Variants in TMEM183A observed in about 807,000 individuals in gnomAD.
The protein encoded by TMEM183A is transmembrane protein 183A, also known as chromosome 1 open reading frame 37.
TMEM183A carries 21 observed loss-of-function variants against 46.7 expected under a neutral mutation model. The ratio of observed to expected loss-of-function variants is 0.45; its 90% CI spans 0.32 to 0.65. The LOEUF (loss-of-function observed/expected upper bound fraction) is 0.65. TMEM183A is among the 30% of genes least tolerant of loss of function. The pLI, the probability that TMEM183A is intolerant of heterozygous loss-of-function variation, is 0.04. For synonymous variants in TMEM183A, 165 were observed against 180.2 expected (o/e 0.92, Z 0.68); for missense variants, 331 against 481.9 (o/e 0.69, Z 2.93).
Position 203,014,876 on chromosome 1 carries a change from T to A in TMEM183A, c.368-13T>A, listed in dbSNP as rs1271005519. 6.2e-7 allele frequency: 1 copy of A among 1,613,510 alleles called. No individual in the cohort carries two copies. Among genetic ancestry groups the A allele is most frequent in the South Asian group, 1.1e-5 (1 of 91,016 alleles). On this transcript the variant is annotated splice_polypyrimidine_tract_variant and intron_variant, in intron 3 of 7. Transcript: ENST00000367242. Reference sequence around the variant, plus strand: ...GTGTAGAAGATCAGAGATTATTCTTTTTTTTGTTTCAGAAGAACTGGACGG... The same window carrying A: ...GTGTAGAAGATCAGAGATTATTCTTATTTTTGTTTCAGAAGAACTGGACGG...
rs566593528 is a variant in TMEM183A, at chr1:203,019,026, C to T, written c.789+465C>T. On this transcript the variant is annotated intron_variant, in intron 6 of 7. Transcript: ENST00000367242. The stretch of plus-strand genomic sequence containing the variant: ...AGACACAAACATTCAAATCATAACA[C>T]TAGGCATGAAATTGCCTTACTAAAA... Among the ~76,000 whole-genome samples the T allele has an allele frequency of 2.6e-5, 4 of 152,224 alleles. No individual in the cohort carries two copies. In the East Asian group the frequency reaches 7.7e-4, roughly 29 times the overall value.
chr1:203,007,588 G>T lies in TMEM183A; in HGVS notation c.109+14G>T, dbSNP rs1264665952. The T allele has an allele frequency of 4.5e-6, 7 of 1,541,570 alleles. No homozygotes were observed. Among genetic ancestry groups the T allele is most frequent in the Admixed American group, 1.9e-5 (1 of 51,466 alleles). On this transcript the variant is annotated intron_variant, in intron 1 of 7. Transcript: ENST00000367242. Reference sequence around the variant, plus strand: ...GCTCCGGCCGAGGTGGGCGAGGGGGGCAGGGGCGCTGAAACATTTTGGGGG... The same window carrying T: ...GCTCCGGCCGAGGTGGGCGAGGGGGTCAGGGGCGCTGAAACATTTTGGGGG...
At chr1:203,008,300 A>G (rs1401240056) in intron 2 of TMEM183A, among the ~76,000 whole-genome samples, 1 of 152,096 alleles carries the variant, frequency 6.6e-6, no homozygotes, top group African/African-American at 2.4e-5. Context: ...ATTGGATTCA[A>G]TTTGTCTCAA....
At chr1:203,015,263 A>C (rs1571613458) in intron 4 of TMEM183A, 2 of 641,834 alleles carry the variant, frequency 3.1e-6, no homozygotes, top group African/African-American at 1.8e-5. Flanking sequence ...CTCCTTCCCC[A>C]CTCCAGTATC....
rs575423045 is a variant in TMEM183A, at chr1:203,013,843, A to C, written c.368-1046A>C. On this transcript the variant is annotated intron_variant, in intron 3 of 7. Coordinates refer to ENST00000367242, the MANE Select transcript of TMEM183A (RefSeq NM_138391.6). This position sits in a 1 kb window ranked among gnomAD's most constrained non-coding sequence, Gnocchi z 4.0. ...GCCATCTCAGCTCACTGCAACCTCCACCTCCTGGTTCAAGCGATTCTCCTG... is the reference window on the plus strand; with the variant it reads ...GCCATCTCAGCTCACTGCAACCTCCCCCTCCTGGTTCAAGCGATTCTCCTG... Among the ~76,000 whole-genome samples, 1 of 132,680 alleles carries C rather than the reference A, an allele frequency of 7.5e-6. No individual in the cohort carries two copies. The highest frequency in any genetic ancestry group is 2.4e-4 in the South Asian group (1 of 4,126). 87.0% of individuals were successfully genotyped at this position (132,680 alleles called of 152,430 possible).
rs942155919 is a variant in TMEM183A at position 203,024,375 on chromosome 1, A to G, written c.*1335A>G. On this transcript the variant is annotated 3_prime_UTR_variant, in exon 8 of 8. Coordinates refer to ENST00000367242, the MANE Select transcript of TMEM183A (RefSeq NM_138391.6). ...CTCTCCTCCCACCCTCCACCATCCA[A>G]AATTAACCAGTGAGCTGGATATTAC... 6.6e-6 allele frequency: 1 copy of G among 152,184 alleles called. No individual in the cohort carries two copies. The highest frequency in any genetic ancestry group is 1.5e-5 in the Non-Finnish European group (1 of 68,036). 9.4% of individuals were successfully genotyped at this position (152,184 alleles called of 1,614,324 possible). A position where few individuals can be genotyped will look rare whatever the true frequency, so the allele number is the denominator to read the frequency against.
In TMEM183A at chr1:203,018,462, T is replaced by C; in HGVS notation, c.709-19T>C. The stretch of plus-strand genomic sequence containing the variant: ...TCTTTTTCTTTTTCTTGGTTTATTT[T>C]ATTTTTACTTTCTTATAGTGCTTAC... On this transcript the variant is annotated intron_variant, in intron 5 of 7. Transcript: ENST00000367242. 1.3e-6 allele frequency: 2 copies of C among 1,585,394 alleles called. No individual in the cohort carries two copies. Among genetic ancestry groups the C allele is most frequent in the Non-Finnish European group, 1.7e-6 (2 of 1,171,620 alleles).
In TMEM183A at chr1:203,007,778, C is replaced by CGTGGCGGATTACGCCAACTCGGAT. The variant is rs1558033531; in HGVS notation, c.115_138dup (p.Val39_Asp46dup). ...AGGGTTGGTGCTGTGTTGCAGTGAC[C>CGTGGCGGATTACGCCAACTCGGAT]GTGGCGGATTACGCCAACTCGGATC... On this transcript the variant is annotated inframe_insertion, in exon 2 of 8. Coordinates refer to ENST00000367242, the MANE Select transcript of TMEM183A (RefSeq NM_138391.6). 6.2e-7 allele frequency: 1 copy of CGTGGCGGATTACGCCAACTCGGAT among 1,613,948 alleles called. No homozygotes were observed. Among genetic ancestry groups the CGTGGCGGATTACGCCAACTCGGAT allele is most frequent in the African/African-American group, 1.3e-5 (1 of 75,034 alleles).
At chr1:203,021,633 G>A (rs1258224829) in intron 7 of TMEM183A, among the ~76,000 whole-genome samples, 4 of 152,190 alleles carry the variant, frequency 2.6e-5, no homozygotes, top group East Asian at 1.9e-4. Flanking sequence ...GCATGCATAT[G>A]GGGTTACAAA....
chr1:203,021,228 C>T (rs184527817), intron 7 of TMEM183A, among the ~76,000 whole-genome samples: 9 of 152,134 alleles, frequency 5.9e-5, no homozygotes, highest in Non-Finnish European at 1.2e-4. Context: ...ATGGGTGTCT[C>T]ACAGCGTTGC....
chr1:203,015,609 C>T (rs1657093961), intron 4 of TMEM183A: 1 of 244,784 alleles, frequency 4.1e-6, no homozygotes, highest in Non-Finnish European at 8.0e-6. Context: ...GAGTGGAGAA[C>T]TCACTGTGAG....
Position 203,007,428 on chromosome 1 carries a change from G to A in TMEM183A, c.-38G>A. The A allele has an allele frequency of 7.2e-7, 1 of 1,397,270 alleles. No individual in the cohort carries two copies. The highest frequency in any genetic ancestry group is 1.5e-5 in the African/African-American group (1 of 66,204). The allele number at this position is 1,397,270 out of a possible 1,614,324, so 86.6% of individuals were successfully genotyped here. On this transcript the variant is annotated 5_prime_UTR_variant, in exon 1 of 8. Coordinates refer to ENST00000367242, the MANE Select transcript of TMEM183A (RefSeq NM_138391.6). The stretch of plus-strand genomic sequence containing the variant: ...GATGGCCGCGGAGCCGGGCGGAGCT[G>A]GCTTGCGGCTCCCGGGGCCGGCTCT...
chr1:203,017,927 A>C (rs1330789892), intron 5 of TMEM183A: 1 of 986,174 alleles, frequency 1.0e-6, no homozygotes, highest in Non-Finnish European at 1.2e-6. Context: ...GAGGTACTTC[A>C]CTTCTTGTGC....
In TMEM183A at chr1:203,023,486, T is replaced by A. The variant is rs1433986603; in HGVS notation, c.*446T>A. ...TCAAATTCAAGTGAATATTTTCCCT[T>A]CTCCCTTTACCCTTCTCCAGAAATA... On this transcript the variant is annotated 3_prime_UTR_variant, in exon 8 of 8. Coordinates refer to ENST00000367242, the MANE Select transcript of TMEM183A (RefSeq NM_138391.6). 2 of 153,058 alleles carry A rather than the reference T, an allele frequency of 1.3e-5. No individual in the cohort carries two copies. The highest frequency in any genetic ancestry group is 3.8e-4 in the East Asian group (2 of 5,206). The allele number at this position is 153,058 out of a possible 1,614,324, so 9.5% of individuals were successfully genotyped here.
chr1:203,007,406 G>A lies in TMEM183A; in HGVS notation c.-60G>A. 7.5e-7 allele frequency: 1 copy of A among 1,335,438 alleles called. No individual in the cohort carries two copies. The allele number at this position is 1,335,438 out of a possible 1,614,324, so 82.7% of individuals were successfully genotyped here. Reference sequence around the variant, plus strand: ...GAGTTAGCGGCCTCCGGTGTGGGATGGCCGCGGAGCCGGGCGGAGCTGGCT... The same window carrying A: ...GAGTTAGCGGCCTCCGGTGTGGGATAGCCGCGGAGCCGGGCGGAGCTGGCT... On this transcript the variant is annotated 5_prime_UTR_variant, in exon 1 of 8. It removes an upstream start codon present in the reference 5' UTR. Transcript: ENST00000367242.
chr1:203,007,737 G>A, intron 1 of TMEM183A, 37 bp from the exon 2 acceptor site: 2 of 1,610,188 alleles, frequency 1.2e-6, no homozygotes, highest in Non-Finnish European at 1.7e-6. Flanking sequence ...GCTGACGAGA[G>A]AAGGCCTCTT....
At chr1:203,008,453 C>CTTTTTT (rs35395088) in intron 2 of TMEM183A, among the ~76,000 whole-genome samples, 190 bp from the exon 3 acceptor site, 2 of 106,116 alleles carry the variant, frequency 1.9e-5, no homozygotes, top group African/African-American at 6.5e-5. Context: ...CATTGCTTTC[C>CTTTTTT]TTTTTTTTTT....
Position 203,007,815 on chromosome 1 carries a change from A to T in TMEM183A, c.151A>T (p.Arg51Trp), listed in dbSNP as rs1265327485. 1 of 1,613,824 alleles carries T rather than the reference A, an allele frequency of 6.2e-7. No homozygotes were observed. The highest frequency in any genetic ancestry group is 1.7e-5 in the Admixed American group (1 of 60,002). The change falls in exon 2 of 8, where the codon AGG becomes TGG. Residue 51 changes from arginine (R) to tryptophan (W), a missense_variant. Arg to Trp is a moderately radical substitution (Grantham distance 101, BLOSUM62 -3). Around this residue, in one of 2 missense-constraint regions of TMEM183A, gnomAD observed 98 missense variants for 96.1 expected, o/e 1.02. Transcript: ENST00000367242. ...CGCCAACTCGGATCCGGCGGTCGTG[A>T]GGTCTGGACGAGTCAAGAAAGCCGT... ...DYANSDPAVV[R>W]SGRVKKAVAN...
At position 203,023,219 on chromosome 1, in the gene TMEM183A, T is replaced by C. The variant is rs1237458405; in HGVS notation, c.*179T>C. On this transcript the variant is annotated 3_prime_UTR_variant, in exon 8 of 8. Coordinates refer to ENST00000367242, the MANE Select transcript of TMEM183A (RefSeq NM_138391.6). ...TCAAGAGGGAAAACAACTACTATGA[T>C]TTATAAACATATTTTAATGTAAAAA... is the stretch of plus-strand genomic sequence containing the variant. The C allele has an allele frequency of 1.9e-5, 11 of 568,040 alleles. No individual in the cohort carries two copies. Among genetic ancestry groups the C allele is most frequent in the Non-Finnish European group, 2.8e-5 (10 of 355,896 alleles). The allele number at this position is 568,040 out of a possible 1,614,324, so 35.2% of individuals were successfully genotyped here. A position where few individuals can be genotyped will look rare whatever the true frequency, so the allele number is the denominator to read the frequency against.
Sources: allele counts gnomAD v4.1 joint callset (sites outside exome capture counted in the v4.1 genomes callset), GRCh38; gene constraint gnomAD v4.1.1; regional missense constraint gnomAD v4.1.1; non-coding constraint Gnocchi (gnomAD v3.1); transcripts MANE v1.5; gene names NCBI Gene and HGNC (gene_info 2026-07-23, HGNC 2026-07-21).